The following HSD17B13 variants were observed in gnomAD, a reference collection of about 807,000 sequenced individuals.
The protein encoded by HSD17B13 is hydroxysteroid 17-beta dehydrogenase 13, also known as 17-beta-hydroxysteroid dehydrogenase 13.
Under a neutral mutation model 31.1 loss-of-function variants are expected in HSD17B13, and 26 were observed. That is an observed-to-expected ratio of 0.84 (90% confidence interval 0.61 to 1.16). HSD17B13 has a LOEUF of 1.16. Ranked by LOEUF, HSD17B13 falls within the 50% of genes most tolerant of loss-of-function variation. The pLI is 0.00. For missense variants in HSD17B13, 374 were observed against 366.5 expected, an observed-to-expected ratio of 1.02 and a Z score of -0.17; for synonymous variants, 141 against 133.7, an observed-to-expected ratio of 1.05 and a Z score of -0.38.
intron 6 of HSD17B13, among the ~76,000 whole-genome samples, chr4:87,306,635 G>A (rs1025896128): frequency 7.9e-5 from 12 of 152,010 alleles, no homozygotes; most frequent in Middle Eastern, 3.2e-3. Context: ...TGGCTGGCCC[G>A]GTGGCTCACG....
At chr4:87,320,150 A>G (rs1173478706) in intron 1 of HSD17B13, among the ~76,000 whole-genome samples, 2 of 152,134 alleles carry the variant, frequency 1.3e-5, no homozygotes, top group Non-Finnish European at 2.9e-5. Context: ...CTCCCCAAAC[A>G]TGGATGTTAG....
chr4:87,321,728 G>T (rs541506568), intron 1 of HSD17B13, among the ~76,000 whole-genome samples: 2 of 152,122 alleles, frequency 1.3e-5, no homozygotes, highest in South Asian at 2.1e-4. Flanking sequence ...AAACAGAAAA[G>T]AATTAGTTCT....
intron 2 of HSD17B13, 94 bp from the exon 3 acceptor site, chr4:87,317,317 T>C (rs1029086120): frequency 1.4e-5 from 17 of 1,245,922 alleles, no homozygotes; most frequent in African/African-American, 3.0e-5. Context: ...CTTTCTTCTA[T>C]TGTATGAGGT....
chr4:87,305,179 T>TC lies in HSD17B13; in HGVS notation c.*38dup, dbSNP rs1395359236. The TC allele has an allele frequency of 7.8e-7, 1 of 1,276,062 alleles. No individual in the cohort carries two copies. The highest frequency in any genetic ancestry group is 1.1e-6 in the Non-Finnish European group (1 of 894,850). The allele number at this position is 1,276,062 out of a possible 1,614,324, so 79.0% of individuals were successfully genotyped here. ...CAGCATTGATTCGAAACTATTCATA[T>TC]CATTATCATGCATACATCTCTGGCT... On this transcript the variant is annotated 3_prime_UTR_variant, in exon 7 of 7. Coordinates refer to ENST00000328546, the MANE Select transcript of HSD17B13 (RefSeq NM_178135.5).
intron 1 of HSD17B13, 30 bp downstream of exon 1, chr4:87,322,602 C>G: frequency 7.0e-7 from 1 of 1,432,768 alleles, no homozygotes; most frequent in Non-Finnish European, 9.9e-7. Flanking sequence ...TACTCTGTGA[C>G]TTTAAAAAGT....
intron 6 of HSD17B13, among the ~76,000 whole-genome samples, chr4:87,306,492 T>A (rs1489948605): frequency 1.3e-5 from 2 of 152,178 alleles, no homozygotes; most frequent in East Asian, 3.8e-4. Flanking sequence ...TTGAAAAATA[T>A]CAGCCATCTA....
At position 87,313,936 on chromosome 4, in the gene HSD17B13, G is replaced by A. The variant is rs1301583772; in HGVS notation, c.582C>T (p.Gly194=). ...GTTCTGATGTCAGACCTCTGTGAAA[G>A]CCAACAGCGGCAAATTTGCTGGAAC... ...PYCSSKFAAV[G]FHRGLTSELQ... The change falls in exon 5 of 7, where the codon GGC becomes GGT. Residue 194 remains glycine (G), a synonymous_variant. Coordinates refer to ENST00000328546, the MANE Select transcript of HSD17B13 (RefSeq NM_178135.5). 1 of 1,573,652 alleles carries A rather than the reference G, an allele frequency of 6.4e-7. No individual in the cohort carries two copies. The highest frequency in any genetic ancestry group is 8.6e-7 in the Non-Finnish European group (1 of 1,162,700).
At chr4:87,309,326 G>A (rs908077234) in intron 6 of HSD17B13, among the ~76,000 whole-genome samples, 1 of 141,768 alleles carries the variant, frequency 7.1e-6, no homozygotes, top group Non-Finnish European at 1.5e-5. Flanking sequence ...AGAAGCTGCA[G>A]TGAGCCAAGA....
chr4:87,305,969 T>C (rs1734381347), intron 6 of HSD17B13, among the ~76,000 whole-genome samples: 1 of 152,184 alleles, frequency 6.6e-6, no homozygotes, highest in Non-Finnish European at 1.5e-5. Flanking sequence ...TCTCATTTCA[T>C]GTCAAAAAGA....
chr4:87,315,271 G>C (rs1360268061), intron 4 of HSD17B13, among the ~76,000 whole-genome samples: 1 of 152,136 alleles, frequency 6.6e-6, no homozygotes, highest in Non-Finnish European at 1.5e-5. Flanking sequence ...ATTGGCTCTT[G>C]AGCCCCTGTG....
At chr4:87,311,786 T>G (rs1393357073) in intron 5 of HSD17B13, among the ~76,000 whole-genome samples, 1 of 152,202 alleles carries the variant, frequency 6.6e-6, no homozygotes, top group Non-Finnish European at 1.5e-5. Flanking sequence ...TTGCTGCAGA[T>G]TATTATGTGA....
chr4:87,309,378 C>A, intron 6 of HSD17B13, among the ~76,000 whole-genome samples: 2 of 85,238 alleles, frequency 2.3e-5, no homozygotes, highest in Admixed American at 1.8e-4. Context: ...GGGTGAAACT[C>A]TGTCTCAAAA....
intron 2 of HSD17B13, among the ~76,000 whole-genome samples, chr4:87,318,047 C>T (rs1191543936): frequency 6.6e-6 from 1 of 152,098 alleles, no homozygotes; most frequent in Non-Finnish European, 1.5e-5. Context: ...AGGAAGTGAT[C>T]CATATTCCCT....
Position 87,305,180 on chromosome 4 carries a change from C to T in HSD17B13, c.*38G>A, listed in dbSNP as rs1308508250. 1.6e-6 allele frequency: 2 copies of T among 1,277,668 alleles called. No individual in the cohort carries two copies. The highest frequency in any genetic ancestry group is 2.2e-6 in the Non-Finnish European group (2 of 896,554). 79.1% of individuals were successfully genotyped at this position (1,277,668 alleles called of 1,614,324 possible). On this transcript the variant is annotated 3_prime_UTR_variant, in exon 7 of 7. Coordinates refer to ENST00000328546, the MANE Select transcript of HSD17B13 (RefSeq NM_178135.5). Reference sequence around the variant, plus strand: ...AGCATTGATTCGAAACTATTCATATCATTATCATGCATACATCTCTGGCTG... The same window carrying T: ...AGCATTGATTCGAAACTATTCATATTATTATCATGCATACATCTCTGGCTG...
At chr4:87,319,092 G>C (rs1217410506) in intron 1 of HSD17B13, among the ~76,000 whole-genome samples, 1 of 152,158 alleles carries the variant, frequency 6.6e-6, no homozygotes, top group Non-Finnish European at 1.5e-5. Flanking sequence ...TTAGACAGGA[G>C]AATCACTTGA....
rs1425809259 is a variant in HSD17B13, at chr4:87,309,675, T to C, written c.812+568A>G. Among the ~76,000 whole-genome samples, 3 of 152,230 alleles carry C rather than the reference T, an allele frequency of 2.0e-5. No homozygotes were observed. In the East Asian group the frequency reaches 5.8e-4, roughly 29 times the overall value. On this transcript the variant is annotated intron_variant, in intron 6 of 6. Coordinates refer to ENST00000328546, the MANE Select transcript of HSD17B13 (RefSeq NM_178135.5). ...TTAACTACTTCACTATATTGCATTC[T>C]TTTTAAACTGTGTTTCCTTTAGTTA...
At chr4:87,321,714 A>G (rs75828667) in intron 1 of HSD17B13, among the ~76,000 whole-genome samples, 2,150 of 152,326 alleles carry the variant, frequency 0.014, 45 homozygotes, top group African/African-American at 0.049. Flanking sequence ...ACTATTCAGA[A>G]AAAAAACAGA....
In HSD17B13 at chr4:87,317,193, C is replaced by T. The variant is rs746420270; in HGVS notation, c.349G>A (p.Val117Met). ...VKKEVGDVTI[V>M]VNNAGTVYPA... Reference sequence around the variant, plus strand: ...TATACTGTCCCAGCATTATTCACCACGATTGTTACATCACCCACTTCTTTC... The same window carrying T: ...TATACTGTCCCAGCATTATTCACCATGATTGTTACATCACCCACTTCTTTC... Residue 117 changes from valine (V) to methionine (M), a missense_variant, in exon 3 of 7, where the codon GTG becomes ATG. Coordinates refer to ENST00000328546, the MANE Select transcript of HSD17B13 (RefSeq NM_178135.5). The T allele has an allele frequency of 1.6e-5, 26 of 1,613,860 alleles. No homozygotes were observed. Among genetic ancestry groups the T allele is most frequent in the African/African-American group, 2.7e-5 (2 of 74,926 alleles).
intron 6 of HSD17B13, among the ~76,000 whole-genome samples, chr4:87,307,944 T>G (rs887659015): frequency 6.6e-5 from 10 of 152,188 alleles, no homozygotes; most frequent in African/African-American, 2.4e-4. Context: ...CTATTTCAAG[T>G]TTGTTCATAG....
Sources: gnomAD v4.1 joint callset for allele counts (sites outside exome capture counted in the v4.1 genomes callset) on GRCh38, gnomAD v4.1.1 for gene constraint, MANE v1.5 for transcripts, NCBI Gene and HGNC (gene_info 2026-07-23, HGNC 2026-07-21) for gene names.